KDSR: variants seen among roughly 807,000 people sequenced by gnomAD.
The protein encoded by KDSR is 3-dehydrosphinganine reductase.
KDSR carries 23 observed loss-of-function variants against 41.3 expected under a neutral mutation model. That is an observed-to-expected ratio of 0.56 (90% CI 0.40 to 0.79). The LOEUF (loss-of-function observed/expected upper bound fraction) is 0.79, where lower values mean the gene tolerates loss of function less well. Ranked by LOEUF, KDSR falls within the 30% of genes least tolerant of loss-of-function variation. KDSR has a pLI of 0.00. For synonymous variants in KDSR, 138 were observed against 151.7 expected (o/e 0.91, Z 0.66); for missense variants, 351 against 416.8 (o/e 0.84, Z 1.37).
At chr18:63,363,311 A>G (rs1191739267) in intron 1 of KDSR, among the ~76,000 whole-genome samples, 62 of 137,276 alleles carry the variant, frequency 4.5e-4, no homozygotes, top group African/African-American at 1.3e-3. Flanking sequence ...ATGCTGGTGC[A>G]CTGCACCCAC....
chr18:63,336,423 CAAGT>C (rs1170283723), intron 8 of KDSR, among the ~76,000 whole-genome samples: 5 of 152,190 alleles, frequency 3.3e-5, no homozygotes, highest in Admixed American at 6.5e-5. Context: ...GCGAAGCAAG[CAAGT>C]GTGTCACTTC....
At chr18:63,343,745 TAA>T (rs35026156) in intron 7 of KDSR, among the ~76,000 whole-genome samples, 1 of 143,878 alleles carries the variant, frequency 7.0e-6, no homozygotes, top group Admixed American at 6.9e-5. Flanking sequence ...TTCTAAATCT[TAA>T]AAAAAAAAAA....
intron 9 of KDSR, among the ~76,000 whole-genome samples, chr18:63,333,525 G>A (rs549211621): frequency 6.6e-5 from 10 of 152,302 alleles, no homozygotes; most frequent in African/African-American, 2.4e-4. Context: ...GGCCTGAGCA[G>A]GGGGTTGCAG....
intron 9 of KDSR, among the ~76,000 whole-genome samples, chr18:63,334,939 A>AT (rs1310467359): frequency 1.3e-5 from 2 of 152,174 alleles, no homozygotes; most frequent in Non-Finnish European, 2.9e-5. Flanking sequence ...GGAGTATTCC[A>AT]TTTTCAAAAC....
At position 63,328,089 on chromosome 18, in the gene KDSR, T is replaced by C. The variant is rs1049245663; in HGVS notation, c.*3693A>G. On this transcript the variant is annotated 3_prime_UTR_variant, in exon 10 of 10. Coordinates refer to ENST00000645214, the MANE Select transcript of KDSR (RefSeq NM_002035.4). ...AATGAGAAATATACAAAGCATCTTA[T>C]GTCAAAGAGTATGAATATTTAAAAG... The C allele has an allele frequency of 5.2e-6, 1 of 192,218 alleles. No homozygotes were observed. The highest frequency in any genetic ancestry group is 1.1e-5 in the Non-Finnish European group (1 of 92,076). 11.9% of individuals were successfully genotyped at this position (192,218 alleles called of 1,614,324 possible). A position where few individuals can be genotyped will look rare whatever the true frequency, so the allele number is the denominator to read the frequency against.
intron 6 of KDSR, 72 bp from the exon 7 acceptor site, chr18:63,344,565 T>C: frequency 1.9e-6 from 2 of 1,051,600 alleles, no homozygotes; most frequent in East Asian, 2.4e-5. Context: ...CAACCTGCAC[T>C]GGCTGCCCTG....
At chr18:63,334,148 C>T (rs1285924957) in intron 9 of KDSR, among the ~76,000 whole-genome samples, 1 of 152,122 alleles carries the variant, frequency 6.6e-6, no homozygotes, top group African/African-American at 2.4e-5. Context: ...AAGAGAATGG[C>T]AAAGACAGTA....
chr18:63,362,988 T>C (rs1486982533), intron 1 of KDSR, 120 bp from the exon 2 acceptor site: 1 of 647,538 alleles, frequency 1.5e-6, no homozygotes, highest in African/African-American at 1.8e-5. Context: ...TGATTAGCTG[T>C]TGTTAACTTC....
chr18:63,362,148 C>T (rs1262348466), intron 2 of KDSR, among the ~76,000 whole-genome samples: 1 of 152,214 alleles, frequency 6.6e-6, no homozygotes, highest in Non-Finnish European at 1.5e-5. Context: ...TCCTCCAGTC[C>T]CCATATGGGG....
intron 9 of KDSR, among the ~76,000 whole-genome samples, chr18:63,335,007 G>A (rs981335311): frequency 5.3e-5 from 8 of 152,110 alleles, no homozygotes; most frequent in African/African-American, 1.9e-4. Context: ...CAGCAGATAC[G>A]GTGTTTTATT....
rs76278802 is a variant in KDSR at position 63,350,850 on chromosome 18, C to T, written c.609+38G>A. The T allele has an allele frequency of 2.6e-3, 3,793 of 1,438,120 alleles. 88 individuals carry two copies. In the African/African-American group the frequency reaches 0.048, roughly 18 times the overall value. The allele number at this position is 1,438,120 out of a possible 1,614,324, so 89.1% of individuals were successfully genotyped here. ...CTAAAGCGGAATGTATATTGCTGAG[C>T]GGAGAGGAATAAATACAAAAATGAA... On this transcript the variant is annotated intron_variant, in intron 6 of 9. Coordinates refer to ENST00000645214, the MANE Select transcript of KDSR (RefSeq NM_002035.4).
At chr18:63,349,463 C>T (rs923740888) in intron 6 of KDSR, among the ~76,000 whole-genome samples, 3 of 152,194 alleles carry the variant, frequency 2.0e-5, no homozygotes, top group African/African-American at 7.2e-5. Context: ...TCAAAAGAAA[C>T]ACCAGTATTC....
rs749190678 is a variant in KDSR, at chr18:63,331,773, G to C, written c.*9C>G. ...TTTGGAAACAGTCTTCTTCCAAGGG[G>C]TAAGAAGATTAGGCAGTTTTGTCTG... On this transcript the variant is annotated 3_prime_UTR_variant, in exon 10 of 10. Coordinates refer to ENST00000645214, the MANE Select transcript of KDSR (RefSeq NM_002035.4). 2.2e-5 allele frequency: 36 copies of C among 1,612,386 alleles called. No individual in the cohort carries two copies. The highest frequency in any genetic ancestry group is 3.1e-5 in the Non-Finnish European group (36 of 1,179,372).
intron 7 of KDSR, among the ~76,000 whole-genome samples, chr18:63,342,318 TGA>T (rs1914365556): frequency 6.6e-6 from 1 of 151,714 alleles, no homozygotes; most frequent in Non-Finnish European, 1.5e-5. Context: ...ACCAAAAAAG[TGA>T]GAGTCATGGG....
chr18:63,365,618 G>A (rs1367043573), intron 1 of KDSR, among the ~76,000 whole-genome samples: 1 of 152,164 alleles, frequency 6.6e-6, no homozygotes, highest in Admixed American at 6.5e-5. Context: ...TGGAGTCAAG[G>A]CTCAGTGAAA....
chr18:63,365,416 T>C (rs1444237377), intron 1 of KDSR, among the ~76,000 whole-genome samples: 2 of 152,254 alleles, frequency 1.3e-5, no homozygotes, highest in African/African-American at 4.8e-5. Context: ...ACTCTTCTTA[T>C]GACATTAAAA....
At chr18:63,347,736 T>C (rs1010779105) in intron 6 of KDSR, among the ~76,000 whole-genome samples, 2 of 152,072 alleles carry the variant, frequency 1.3e-5, no homozygotes, top group Non-Finnish European at 2.9e-5. Context: ...TTTGTTTTTT[T>C]TGGGCTTGGT....
At chr18:63,350,610 A>C (rs1212588215) in intron 6 of KDSR, among the ~76,000 whole-genome samples, 2 of 152,268 alleles carry the variant, frequency 1.3e-5, no homozygotes, top group African/African-American at 4.8e-5. Flanking sequence ...ACACAGTATT[A>C]GACTAATAAC....
At chr18:63,339,028 G>C in intron 7 of KDSR, 145 bp from the exon 8 acceptor site, 2 of 589,862 alleles carry the variant, frequency 3.4e-6, no homozygotes. Context: ...GGTCCATCTG[G>C]ATTCTAAATC....
Sources: allele counts gnomAD v4.1 joint callset (sites outside exome capture counted in the v4.1 genomes callset), GRCh38; gene constraint gnomAD v4.1.1; transcripts MANE v1.5; gene names NCBI Gene and HGNC (gene_info 2026-07-23, HGNC 2026-07-21).